Variants in TUBA1C observed in about 807,000 individuals in gnomAD.
The protein encoded by TUBA1C is tubulin alpha 1c, also known as tubulin alpha-1C chain.
Under a neutral mutation model 34.9 loss-of-function variants are expected in TUBA1C, and 16 were observed. That is an observed-to-expected ratio of 0.46 (90% CI 0.31 to 0.70). The LOEUF is 0.70. TUBA1C is among the 30% of genes least tolerant of loss of function. The probability of loss-of-function intolerance (pLI) is 0.05; values close to 1 mark genes in which losing one functional copy is unlikely to be tolerated. For missense variants in TUBA1C, 329 were observed against 587.3 expected, an observed-to-expected ratio of 0.56 and a Z score of 4.55; for synonymous variants, 177 against 215.9, an observed-to-expected ratio of 0.82 and a Z score of 1.58.
chr12:49,264,837 TC>T, upstream of TUBA1C: 1 of 150,148 alleles, frequency 6.7e-6, no homozygotes, highest in Non-Finnish European at 1.4e-5. Context: ...TTCCTCCCCT[TC>T]CTCCCCTTCC....
At chr12:49,233,196 T>C (rs1393545105) in intron 1 of TUBA1C, 1 of 152,330 alleles carries the variant, frequency 6.6e-6, no homozygotes, top group Non-Finnish European at 1.5e-5. Context: ...GCCTGGGGAA[T>C]GTGGGGAGAT....
At position 49,273,110 on chromosome 12, in the gene TUBA1C, G is replaced by A. The variant is rs1288286799; in HGVS notation, c.1233G>A (p.Glu411=). ...CCTTTGTTCACTGGTACGTGGGTGA[G>A]GGGATGGAGGAAGGCGAGTTTTCAG... The part of the protein sequence containing the change: ...KRAFVHWYVG[E]GMEEGEFSEA... The change falls in exon 4 of 4, where the codon GAG becomes GAA. Residue 411 remains glutamate (E), a synonymous_variant. Coordinates refer to ENST00000301072, the MANE Select transcript of TUBA1C (RefSeq NM_032704.5). The A allele has an allele frequency of 6.2e-6, 10 of 1,614,106 alleles. No homozygotes were observed. The highest frequency in any genetic ancestry group is 3.3e-5 in the Admixed American group (2 of 60,006).
chr12:49,235,129 A>T (rs981424034), intron 1 of TUBA1C, among the ~76,000 whole-genome samples: 4 of 151,998 alleles, frequency 2.6e-5, no homozygotes, highest in Admixed American at 6.6e-5. Flanking sequence ...AAAAAAAAAA[A>T]AATTAATTTG....
chr12:49,240,397 A>C (rs969411149), intron 1 of TUBA1C, among the ~76,000 whole-genome samples: 1 of 151,972 alleles, frequency 6.6e-6, no homozygotes, highest in Non-Finnish European at 1.5e-5. Context: ...GATTCCACAG[A>C]GGAACTGCCT....
Position 49,269,883 on chromosome 12 carries a change from A to G in TUBA1C, c.282A>G (p.Thr94=), listed in dbSNP as rs780153953. The part of the protein sequence containing the change: ...RQLFHPEQLI[T]GKEDAANNYA... Reference sequence around the variant, plus strand: ...TCTTCCACCCTGAGCAACTCATCACAGGCAAGGAAGATGCTGCCAATAACT... The same window carrying G: ...TCTTCCACCCTGAGCAACTCATCACGGGCAAGGAAGATGCTGCCAATAACT... The change falls in exon 3 of 4, where the codon ACA becomes ACG. Residue 94 remains threonine, a synonymous_variant. Transcript: ENST00000301072. The G allele has an allele frequency of 1.2e-4, 194 of 1,614,062 alleles. No homozygotes were observed. Among genetic ancestry groups the G allele is most frequent in the Non-Finnish European group, 1.6e-4 (188 of 1,180,048 alleles).
chr12:49,257,140 A>C (rs1296864722), intron 1 of TUBA1C, among the ~76,000 whole-genome samples: 2 of 145,558 alleles, frequency 1.4e-5, no homozygotes, highest in Non-Finnish European at 1.5e-5. Context: ...AGATCAAGCC[A>C]CTCCATCTCA....
chr12:49,229,505 G>A (rs1260645844), intron 1 of TUBA1C, among the ~76,000 whole-genome samples: 1 of 152,020 alleles, frequency 6.6e-6, no homozygotes, highest in Non-Finnish European at 1.5e-5. Flanking sequence ...TTTCTTTTCT[G>A]TCCTTTCTTT....
Position 49,267,424 on chromosome 12 carries a change from C to G in TUBA1C, c.4-2041C>G, listed in dbSNP as rs1437983164. Among the ~76,000 whole-genome samples the G allele has an allele frequency of 1.6e-3, 244 of 152,146 alleles. 3 individuals are homozygous for G. Among genetic ancestry groups the G allele is most frequent in the Non-Finnish European group, 1.5e-5 (1 of 67,996 alleles). ...CTATAATCCCAGCACTTTGGGAGGC[C>G]GAGGTGAGTAGATCACCCGAGGTCA... On this transcript the variant is annotated intron_variant, in intron 1 of 3. Transcript: ENST00000301072.
upstream of TUBA1C, chr12:49,264,887 C>A (rs573968617): frequency 3.3e-4 from 76 of 230,160 alleles, no homozygotes; most frequent in Admixed American, 8.7e-4. Flanking sequence ...GCTCCTGGCT[C>A]CTTCCGACGA....
chr12:49,241,850 A>G (rs1448457465), intron 1 of TUBA1C, among the ~76,000 whole-genome samples: 2 of 151,788 alleles, frequency 1.3e-5, no homozygotes, highest in South Asian at 2.1e-4. Flanking sequence ...GGGTTTTACT[A>G]TGTTGCCCAG....
chr12:49,265,272 C>A, intron 1 of TUBA1C, 88 bp downstream of exon 1: 1 of 1,140,134 alleles, frequency 8.8e-7, no homozygotes, highest in South Asian at 1.6e-5. Context: ...TCGGGCCGCG[C>A]CCAGGACAGC....
intron 1 of TUBA1C, among the ~76,000 whole-genome samples, chr12:49,248,759 T>A (rs1942701688): frequency 6.7e-6 from 1 of 149,654 alleles, no homozygotes; most frequent in Non-Finnish European, 1.5e-5. Context: ...TCCCAGCTAC[T>A]CGGGAGGCTG....
chr12:49,271,089 G>T (rs1264502975), intron 3 of TUBA1C, among the ~76,000 whole-genome samples: 1 of 152,202 alleles, frequency 6.6e-6, no homozygotes, highest in Non-Finnish European at 1.5e-5. Context: ...TAGGGTTCTG[G>T]AACGTGAGGT....
At chr12:49,253,334 G>C (rs1017401197) in intron 1 of TUBA1C, among the ~76,000 whole-genome samples, 4 of 152,110 alleles carry the variant, frequency 2.6e-5, no homozygotes, top group Non-Finnish European at 1.5e-5. Flanking sequence ...GTAGGTGTAA[G>C]CTACGGTGGA....
chr12:49,234,678 G>A (rs1168094889), intron 1 of TUBA1C, among the ~76,000 whole-genome samples: 1 of 152,134 alleles, frequency 6.6e-6, no homozygotes, highest in East Asian at 1.9e-4. Flanking sequence ...GGCCCGGCGA[G>A]CGCGCCCCCG....
At chr12:49,258,979 G>A (rs774670959) in intron 1 of TUBA1C, among the ~76,000 whole-genome samples, 17 of 151,870 alleles carry the variant, frequency 1.1e-4, no homozygotes, top group Non-Finnish European at 1.9e-4. Context: ...GGCTAGTCTC[G>A]AACTCCTGAC....
chr12:49,243,964 A>G (rs1942643089), intron 1 of TUBA1C, among the ~76,000 whole-genome samples: 1 of 152,082 alleles, frequency 6.6e-6, no homozygotes, highest in Non-Finnish European at 1.5e-5. Context: ...AGTCTGGGCC[A>G]CACAGCGAGA....
chr12:49,272,220 G>C (rs771519685), intron 3 of TUBA1C, 33 bp from the exon 4 acceptor site: 21 of 1,565,224 alleles, frequency 1.3e-5, no homozygotes, highest in Non-Finnish European at 1.8e-5. Context: ...TGAAACTTTC[G>C]CAACACTAAA....
chr12:49,254,484 CAAAA>C (rs764051406), intron 1 of TUBA1C, among the ~76,000 whole-genome samples: 5 of 29,670 alleles, frequency 1.7e-4, no homozygotes, highest in Admixed American at 3.3e-4. Context: ...TCCATCTAAA[CAAAA>C]AAAAAAAAAA....
Sources: allele counts gnomAD v4.1 joint callset (sites outside exome capture counted in the v4.1 genomes callset), GRCh38; gene constraint gnomAD v4.1.1; transcripts MANE v1.5; gene names NCBI Gene and HGNC (gene_info 2026-07-23, HGNC 2026-07-21).